ATP6V0E2: variants seen among roughly 807,000 people sequenced by gnomAD.
ATP6V0E2 encodes the protein ATPase H+ transporting V0 subunit e2, also known as V-type proton ATPase subunit e 2.
ATP6V0E2 carries 4 observed loss-of-function variants against 11.5 expected under a neutral mutation model. That is an observed-to-expected ratio of 0.35 (90% CI 0.17 to 0.80). ATP6V0E2 has a LOEUF of 0.80. ATP6V0E2 is among the 30% of genes least tolerant of loss of function. The probability of loss-of-function intolerance (pLI) is 0.53; values close to 1 mark genes in which losing one functional copy is unlikely to be tolerated. For missense variants in ATP6V0E2, 93 were observed against 113.5 expected (o/e 0.82, Z 0.82); for synonymous variants, 52 against 51.0 (o/e 1.02, Z -0.09).
Position 149,880,312 on chromosome 7 carries a change from AGCCTT to A in ATP6V0E2, c.*1001_*1005del. 1 of 152,896 alleles carries A rather than the reference AGCCTT, an allele frequency of 6.5e-6. No individual in the cohort carries two copies. The highest frequency in any genetic ancestry group is 3.4e-3 in the Middle Eastern group (1 of 298). The allele number at this position is 152,896 out of a possible 1,614,324, so 9.5% of individuals were successfully genotyped here. On this transcript the variant is annotated 3_prime_UTR_variant, in exon 4 of 4. Transcript: ENST00000425642. ...ACACGCAGGGGTCCCGGACCTCTCC[AGCCTT>A]GCCCTCACGCTTACCCGAGCTCCCA...
In ATP6V0E2 at chr7:149,878,743, T is replaced by C; in HGVS notation, c.218T>C (p.Ile73Thr). ...GGGCCCCAGCTGAAGAATGAGACCA[T>C]CTGGTACGTGCGCTTCCTGTGGGAG... is the stretch of plus-strand genomic sequence containing the variant. ...LFGPQLKNET[I>T]WYVRFLWE Residue 73 changes from isoleucine (I) to threonine (T), a missense_variant, in exon 3 of 4, where the codon ATC becomes ACC. Coordinates refer to ENST00000425642, the MANE Select transcript of ATP6V0E2 (RefSeq NM_145230.4). 1 of 1,613,228 alleles carries C rather than the reference T, an allele frequency of 6.2e-7. No homozygotes were observed. Among genetic ancestry groups the C allele is most frequent in the East Asian group, 2.2e-5 (1 of 44,860 alleles).
intron 3 of ATP6V0E2, chr7:149,879,040 T>G: frequency 3.0e-6 from 4 of 1,353,184 alleles, no homozygotes; most frequent in East Asian, 2.7e-5. Flanking sequence ...AGGCATCTAT[T>G]TATTTCATGA....
In ATP6V0E2 at chr7:149,874,140, C is replaced by T. The variant is rs1238764186; in HGVS notation, c.75C>T (p.Pro25=). The stretch of plus-strand genomic sequence containing the variant: ...GGGGCCTCGTCGGCATCGCCGGGCC[C>T]TGGTTCGTGCCGAAGGGACCCAACC... ...TFWGLVGIAG[P]WFVPKGPNRG... is the part of the protein sequence containing the mutation. Residue 25 remains proline (P), a synonymous_variant, in exon 1 of 4, where the codon CCC becomes CCT. Coordinates refer to ENST00000425642, the MANE Select transcript of ATP6V0E2 (RefSeq NM_145230.4). 1 of 1,549,684 alleles carries T rather than the reference C, an allele frequency of 6.5e-7. No homozygotes were observed. The highest frequency in any genetic ancestry group is 1.4e-5 in the African/African-American group (1 of 73,018).
chr7:149,873,462 G>A (rs1330116238), upstream of ATP6V0E2: 3 of 154,886 alleles, frequency 1.9e-5, no homozygotes, highest in African/African-American at 4.8e-5. Flanking sequence ...CCAGGCCCCG[G>A]TCCGCGCCCG....
chr7:149,873,904 G>A, upstream of ATP6V0E2: 3 of 1,503,694 alleles, frequency 2.0e-6, no homozygotes, highest in Non-Finnish European at 1.8e-6. Flanking sequence ...ACAGCGCGGC[G>A]GGCTGGATCA....
Position 149,874,074 on chromosome 7 carries a change from G to C in ATP6V0E2, c.9G>C (p.Ala3=). The C allele has an allele frequency of 5.8e-6, 9 of 1,549,946 alleles. No homozygotes were observed. The highest frequency in any genetic ancestry group is 7.8e-6 in the Non-Finnish European group (9 of 1,146,622). The change falls in exon 1 of 4, where the codon GCG becomes GCC. Residue 3 remains alanine, a synonymous_variant. Coordinates refer to ENST00000425642, the MANE Select transcript of ATP6V0E2 (RefSeq NM_145230.4). MT[A]HSFALPVIIF... The stretch of plus-strand genomic sequence containing the variant: ...GCATCCTGCGCCCGGCCATGACGGC[G>C]CACTCATTCGCCCTCCCGGTCATCA...
intron 3 of ATP6V0E2, 168 bp from the exon 4 acceptor site, chr7:149,879,167 G>A (rs1184606476): frequency 1.4e-5 from 19 of 1,400,080 alleles, no homozygotes; most frequent in East Asian, 2.7e-5. Context: ...TCCTCACAGC[G>A]CTTCACCCCA....
chr7:149,879,321 G>T lies in ATP6V0E2; in HGVS notation c.*20-14G>T. 6.6e-7 allele frequency: 1 copy of T among 1,515,742 alleles called. No individual in the cohort carries two copies. The highest frequency in any genetic ancestry group is 8.9e-7 in the Non-Finnish European group (1 of 1,128,844). 93.9% of individuals were successfully genotyped at this position (1,515,742 alleles called of 1,614,324 possible). A position where few individuals can be genotyped will look rare whatever the true frequency, so the allele number is the denominator to read the frequency against. On this transcript the variant is annotated splice_polypyrimidine_tract_variant and intron_variant, in intron 3 of 3. Transcript: ENST00000425642. ...CTGCAAGGCCGGGACCCTTCCATGT[G>T]ATGTGCTTTTCAGGTGCCCAGCTCT...
chr7:149,876,064 G>A (rs1399110736), intron 2 of ATP6V0E2: 2 of 461,252 alleles, frequency 4.3e-6, no homozygotes, highest in Non-Finnish European at 4.3e-6. Flanking sequence ...CAGGTGACTG[G>A]AATGCAGCCA....
chr7:149,873,946 A>G (rs145697964), upstream of ATP6V0E2: 3 of 1,541,894 alleles, frequency 1.9e-6, no homozygotes, highest in Middle Eastern at 1.7e-4. Context: ...GGCCCGGCTG[A>G]TCGCTTCGGG....
chr7:149,877,216 G>A (rs1409642156), intron 2 of ATP6V0E2, among the ~76,000 whole-genome samples: 2 of 152,058 alleles, frequency 1.3e-5, no homozygotes, highest in African/African-American at 4.8e-5. Context: ...AATTGACAGG[G>A]TCTTACTCTG....
Position 149,880,384 on chromosome 7 carries a change from G to C in ATP6V0E2, c.*1069G>C, listed in dbSNP as rs1803400869. 1 of 152,638 alleles carries C rather than the reference G, an allele frequency of 6.6e-6. No individual in the cohort carries two copies. Among genetic ancestry groups the C allele is most frequent in the South Asian group, 2.1e-4 (1 of 4,836 alleles). 9.5% of individuals were successfully genotyped at this position (152,638 alleles called of 1,614,324 possible). A position where few individuals can be genotyped will look rare whatever the true frequency, so the allele number is the denominator to read the frequency against. ...GCTCACCCACCTTGCCTGGCTCCCA[G>C]CTGGGGCCTGTCCTCACTGGTGCTC... On this transcript the variant is annotated 3_prime_UTR_variant, in exon 4 of 4. Transcript: ENST00000425642.
At position 149,874,054 on chromosome 7, in the gene ATP6V0E2, C is replaced by A; in HGVS notation, c.-12C>A. 1.3e-6 allele frequency: 2 copies of A among 1,549,886 alleles called. No homozygotes were observed. Among genetic ancestry groups the A allele is most frequent in the Non-Finnish European group, 1.7e-6 (2 of 1,146,632 alleles). On this transcript the variant is annotated 5_prime_UTR_variant, in exon 1 of 4. The change creates a new upstream start codon in the 5' untranslated region. Coordinates refer to ENST00000425642, the MANE Select transcript of ATP6V0E2 (RefSeq NM_145230.4). ...CGGCCCTGCATCCTGCCTGGGCATC[C>A]TGCGCCCGGCCATGACGGCGCACTC...
chr7:149,874,809 C>G (rs1803038720), intron 1 of ATP6V0E2: 1 of 153,264 alleles, frequency 6.5e-6, no homozygotes, highest in Admixed American at 6.5e-5. Flanking sequence ...CTGGCACAAC[C>G]TGCTTAGTAA....
upstream of ATP6V0E2, chr7:149,873,610 G>C (rs1265230724): frequency 1.8e-5 from 5 of 284,668 alleles, no homozygotes; most frequent in Non-Finnish European, 2.6e-5. Flanking sequence ...CGTCAGGTTC[G>C]GGGCGGCCCA....
chr7:149,875,504 A>G (rs1173955387), intron 1 of ATP6V0E2, 94 bp from the exon 2 acceptor site: 4 of 1,261,530 alleles, frequency 3.2e-6, no homozygotes, highest in African/African-American at 1.5e-5. Flanking sequence ...AATGGAAAAG[A>G]GCTCACACCA....
chr7:149,879,995 C>G lies in ATP6V0E2; in HGVS notation c.*680C>G, dbSNP rs1041019837. 4.3e-6 allele frequency: 1 copy of G among 231,268 alleles called. No homozygotes were observed. The highest frequency in any genetic ancestry group is 2.3e-5 in the African/African-American group (1 of 44,348). The allele number at this position is 231,268 out of a possible 1,614,324, so 14.3% of individuals were successfully genotyped here. On this transcript the variant is annotated 3_prime_UTR_variant, in exon 4 of 4. Coordinates refer to ENST00000425642, the MANE Select transcript of ATP6V0E2 (RefSeq NM_145230.4). ...GTTCCGCCTCCTGCCACCTGGACCT[C>G]CCTCAGTGGATGTCTTCCCTCCCCC...
In ATP6V0E2 at chr7:149,879,459, C is replaced by T; in HGVS notation, c.*144C>T. On this transcript the variant is annotated 3_prime_UTR_variant, in exon 4 of 4. Transcript: ENST00000425642. ...GCTGGCACCCAGAGACCCGGACCCG[C>T]AGGGCCTGCCTGGTTCCTGGAAGTC... is the stretch of plus-strand genomic sequence containing the variant. 3.1e-6 allele frequency: 5 copies of T among 1,595,352 alleles called. No individual in the cohort carries two copies. The highest frequency in any genetic ancestry group is 4.3e-6 in the Non-Finnish European group (5 of 1,171,644).
upstream of ATP6V0E2, chr7:149,873,677 G>A: frequency 2.2e-6 from 1 of 456,250 alleles, no homozygotes; most frequent in Non-Finnish European, 3.7e-6. Context: ...GAAGGGCAGG[G>A]GACGCCCCGA....
Sources: allele counts gnomAD v4.1 joint callset (sites outside exome capture counted in the v4.1 genomes callset), GRCh38; gene constraint gnomAD v4.1.1; transcripts MANE v1.5; gene names NCBI Gene and HGNC (gene_info 2026-07-23, HGNC 2026-07-21).